USP44: variants seen among roughly 807,000 people sequenced by gnomAD.
USP44 encodes the protein ubiquitin carboxyl-terminal hydrolase 44.
USP44 carries 61 observed loss-of-function variants against 69.0 expected under a neutral mutation model. The observed-to-expected ratio is 0.88, with a 90% CI of 0.72 to 1.09. The LOEUF (loss-of-function observed/expected upper bound fraction) is 1.09, where lower values mean the gene tolerates loss of function less well. USP44 is among the 50% of genes least tolerant of loss of function. The probability of loss-of-function intolerance (pLI) is 0.00; values close to 1 mark genes in which losing one functional copy is unlikely to be tolerated. For missense variants in USP44, 753 were observed against 849.9 expected (o/e 0.89, Z 1.42); for synonymous variants, 297 against 295.4 (o/e 1.01, Z -0.06).
At chr12:95,525,084 TATTTA>T (rs890858371) in intron 3 of USP44, among the ~76,000 whole-genome samples, 1 of 152,250 alleles carries the variant, frequency 6.6e-6, no homozygotes, top group Non-Finnish European at 1.5e-5. Context: ...TTTATTTATT[TATTTA>T]GAGACAGAAT....
rs1309823739 is a variant in USP44 at position 95,534,173 on chromosome 12, G to A, written c.84C>T (p.His28=). Residue 28 remains histidine, a synonymous_variant, in exon 2 of 6, where the codon CAC becomes CAT. Transcript: ENST00000258499. ...ACTCGGTCGTGTTGCAGTCCACACA[G>A]TGCCATTTCTGAGGGTTGAGGCTGG... ...DHSSLNPQKW[H]CVDCNTTESI... is the part of the protein sequence containing the mutation. 8 of 1,613,988 alleles carry A rather than the reference G, an allele frequency of 5.0e-6. No individual in the cohort carries two copies. The South Asian group carries it at 6.6e-5, about 13-fold the overall frequency.
chr12:95,541,507 G>A (rs1299113243), intron 1 of USP44, among the ~76,000 whole-genome samples: 3 of 152,152 alleles, frequency 2.0e-5, no homozygotes, highest in African/African-American at 7.2e-5. Context: ...TAAGCATGGG[G>A]AGGTCGAGGC....
intron 1 of USP44, among the ~76,000 whole-genome samples, chr12:95,538,706 T>G (rs1281253543): frequency 6.6e-6 from 1 of 152,216 alleles, no homozygotes; most frequent in Non-Finnish European, 1.5e-5. Flanking sequence ...AAGGGCACCG[T>G]GGAAAGCAGG....
At position 95,533,496 on chromosome 12, in the gene USP44, G is replaced by C. The variant is rs550685112; in HGVS notation, c.761C>G (p.Ser254Cys). ...AACTGAGGAGTCACTGACTTTTTGA[G>C]ATATTTCATTTTCTGAGGTAGAGAG... The part of the protein sequence containing the change: ...KVLSTSENEI[S>C]QKVSDSSVKR... The change falls in exon 2 of 6, where the codon TCT (serine) becomes TGT (cysteine). Residue 254 changes from serine to cysteine, a missense_variant. By Grantham distance (112) the Ser-to-Cys change is moderately radical. Coordinates refer to ENST00000258499, the MANE Select transcript of USP44 (RefSeq NM_032147.5). The C allele has an allele frequency of 3.7e-5, 60 of 1,614,138 alleles. No individual in the cohort carries two copies. Among genetic ancestry groups the C allele is most frequent in the Non-Finnish European group, 4.9e-5 (58 of 1,179,998 alleles).
intron 4 of USP44, 80 bp from the exon 5 acceptor site, chr12:95,521,282 T>A: frequency 7.8e-7 from 1 of 1,278,970 alleles, no homozygotes; most frequent in Non-Finnish European, 1.1e-6. Flanking sequence ...TTGTAACAGA[T>A]GACCCCAGGC....
chr12:95,526,822 G>T (rs533886954), intron 3 of USP44, among the ~76,000 whole-genome samples: 1 of 152,224 alleles, frequency 6.6e-6, no homozygotes, highest in South Asian at 2.1e-4. Context: ...ATAAACTATA[G>T]CATAGTTTAC....
Position 95,533,688 on chromosome 12 carries a change from ACTTCT to A in USP44, c.564_568del (p.Arg188SerfsTer13). ...CTCCAATTCCTGCCGTCTTTTCTTT[ACTTCT>A]CTTTTTACTACTATTTTTTCCTGAA... On this transcript the variant is annotated frameshift_variant, in exon 2 of 6. Coordinates refer to ENST00000258499, the MANE Select transcript of USP44 (RefSeq NM_032147.5). LOFTEE classifies it high-confidence loss of function. 6.2e-7 allele frequency: 1 copy of A among 1,613,798 alleles called. No individual in the cohort carries two copies. Among genetic ancestry groups the A allele is most frequent in the Non-Finnish European group, 8.5e-7 (1 of 1,179,992 alleles).
intron 1 of USP44, chr12:95,547,871 T>C (rs1404101260): frequency 6.6e-6 from 1 of 152,178 alleles, no homozygotes; most frequent in Non-Finnish European, 1.5e-5. Flanking sequence ...TTGCTTCCAG[T>C]ATAAAAACTG....
chr12:95,519,032 T>C (rs994056842), intron 5 of USP44, among the ~76,000 whole-genome samples: 3 of 152,172 alleles, frequency 2.0e-5, no homozygotes, highest in African/African-American at 7.2e-5. Context: ...TTTTTTACTG[T>C]GAAACTTATG....
chr12:95,540,340 A>ATT (rs2077347207), intron 1 of USP44, among the ~76,000 whole-genome samples: 1 of 123,642 alleles, frequency 8.1e-6, no homozygotes, highest in South Asian at 2.5e-4. Flanking sequence ...CCTTCCATCC[A>ATT]TCTTTTTTTT....
At chr12:95,535,521 A>C (rs2077170832) in intron 1 of USP44, 1 of 152,230 alleles carries the variant, frequency 6.6e-6, no homozygotes, top group Non-Finnish European at 1.5e-5. Context: ...AAAAGGAAGA[A>C]TATGAAGTGG....
At chr12:95,532,732 C>T in intron 2 of USP44, 97 bp downstream of exon 2, 3 of 1,015,614 alleles carry the variant, frequency 3.0e-6, no homozygotes, top group Non-Finnish European at 2.8e-6. Context: ...GAAAATGGTA[C>T]TAGCTCAACA....
Position 95,518,162 on chromosome 12 carries a change from G to A in USP44, c.2131C>T (p.Leu711Phe). The A allele has an allele frequency of 6.2e-7, 1 of 1,614,146 alleles. No individual in the cohort carries two copies. Among genetic ancestry groups the A allele is most frequent in the Non-Finnish European group, 8.5e-7 (1 of 1,180,024 alleles). Residue 711 changes from leucine to phenylalanine, a missense_variant, in exon 6 of 6, where the codon CTT becomes TTT. By Grantham distance (22) the Leu-to-Phe change is conservative (BLOSUM62 0). Coordinates refer to ENST00000258499, the MANE Select transcript of USP44 (RefSeq NM_032147.5). The part of the protein sequence containing the change: ...EDADTSSNEI[L>F]S ...ACCCCATTGTCTTTGGATCAGCTAA[G>A]GATTTCATTAGACGAGGTATCAGCG...
intron 3 of USP44, among the ~76,000 whole-genome samples, chr12:95,525,182 C>T (rs984291342): frequency 1.2e-4 from 18 of 152,206 alleles, no homozygotes; most frequent in African/African-American, 4.1e-4. Flanking sequence ...AGCAATTCTC[C>T]TGCCTCAGCC....
chr12:95,549,900 C>G (rs1349044360), intron 1 of USP44, among the ~76,000 whole-genome samples: 1 of 152,098 alleles, frequency 6.6e-6, no homozygotes, highest in Non-Finnish European at 1.5e-5. Context: ...ACATAGAGGC[C>G]GGGCGCAGTG....
chr12:95,544,221 A>AT, intron 1 of USP44, among the ~76,000 whole-genome samples: 1 of 150,974 alleles, frequency 6.6e-6, no homozygotes, highest in East Asian at 2.0e-4. Context: ...TGCCCGGCTA[A>AT]TTTTTTGTAT....
chr12:95,533,427 T>G lies in USP44; in HGVS notation c.830A>C (p.Asn277Thr), dbSNP rs771452921. Residue 277 changes from asparagine (N) to threonine (T), a missense_variant, in exon 2 of 6, where the codon AAT (asparagine) becomes ACT (threonine). Physicochemically the swap from Asn to Thr is moderately conservative, Grantham distance 65 (BLOSUM62 0). Transcript: ENST00000258499. ...ATTCATATAGCAAGTATTTCCCAAA[T>G]TTCTCAATCCTGTTACACCAGGAGT... Reference protein sequence around the residue: ...IVTPGVTGLRNLGNTCYMNSV... With the variant: ...IVTPGVTGLRTLGNTCYMNSV... 1 of 1,613,980 alleles carries G rather than the reference T, an allele frequency of 6.2e-7. No homozygotes were observed. The highest frequency in any genetic ancestry group is 1.7e-5 in the Admixed American group (1 of 60,016).
chr12:95,542,761 C>A (rs1299473146), intron 1 of USP44, among the ~76,000 whole-genome samples: 1 of 145,696 alleles, frequency 6.9e-6, no homozygotes, highest in African/African-American at 2.6e-5. Context: ...AAAAAAAAAA[C>A]CAAAACACAA....
intron 1 of USP44, among the ~76,000 whole-genome samples, chr12:95,547,156 A>C (rs1462551791): frequency 6.6e-6 from 1 of 152,220 alleles, no homozygotes; most frequent in Non-Finnish European, 1.5e-5. Flanking sequence ...AAAAAATCTC[A>C]AACAATTAAC....
Sources: allele counts gnomAD v4.1 joint callset (sites outside exome capture counted in the v4.1 genomes callset), GRCh38; gene constraint gnomAD v4.1.1; transcripts MANE v1.5; gene names NCBI Gene and HGNC (gene_info 2026-07-23, HGNC 2026-07-21).